PRKD1: variants seen among roughly 807,000 people sequenced by gnomAD.
PRKD1 encodes serine/threonine-protein kinase D1.
Under a neutral mutation model 95.9 loss-of-function variants are expected in PRKD1, and 63 were observed. The observed-to-expected ratio is 0.66, with a 90% CI of 0.54 to 0.81. The LOEUF (loss-of-function observed/expected upper bound fraction) is 0.81, where lower values mean the gene tolerates loss of function less well. Ranked by LOEUF, PRKD1 falls within the 30% of genes least tolerant of loss-of-function variation. PRKD1 has a pLI of 0.00. For missense variants in PRKD1, 1,048 were observed against 1,165.3 expected (o/e 0.90, Z 1.47); for synonymous variants, 425 against 423.1 (o/e 1.00, Z -0.05).
At chr14:29,737,591 A>G (rs1199089313) in intron 1 of PRKD1, among the ~76,000 whole-genome samples, 3 of 152,192 alleles carry the variant, frequency 2.0e-5, no homozygotes, top group Non-Finnish European at 4.4e-5. Context: ...ACTTTCTAAT[A>G]TAGCCAAAAC....
chr14:29,595,356 T>G (rs1031688401), intron 16 of PRKD1, among the ~76,000 whole-genome samples: 4 of 152,140 alleles, frequency 2.6e-5, no homozygotes, highest in African/African-American at 9.7e-5. Flanking sequence ...TGATTCTCCT[T>G]CCCCTGAACT....
At chr14:29,648,723 C>T (rs912372881) in intron 4 of PRKD1, among the ~76,000 whole-genome samples, 64 of 152,066 alleles carry the variant, frequency 4.2e-4, no homozygotes, top group African/African-American at 1.3e-3. Flanking sequence ...GGTGCGATCT[C>T]GGCTCACTGC....
At chr14:29,633,445 G>A (rs1880161319) in intron 8 of PRKD1, among the ~76,000 whole-genome samples, 1 of 152,022 alleles carries the variant, frequency 6.6e-6, no homozygotes, top group Admixed American at 6.6e-5. Context: ...ATATTTTGTT[G>A]GACAATAAGT....
chr14:29,847,075 G>A (rs780253265), intron 1 of PRKD1, among the ~76,000 whole-genome samples: 51 of 152,116 alleles, frequency 3.4e-4, no homozygotes, highest in Non-Finnish European at 5.6e-4. Flanking sequence ...TGTAACTCCT[G>A]TACTGCAGGG....
chr14:29,770,930 C>CAAAAAAAAAAAAAAAAAAAAAAAAA (rs753745571), intron 1 of PRKD1, among the ~76,000 whole-genome samples: 1 of 47,164 alleles, frequency 2.1e-5, no homozygotes, highest in Non-Finnish European at 5.3e-5. Context: ...AGACACTGTC[C>CAAAAAAAAAAAAAAAAAAAAAAAAA]AAAAAAAAAA....
At chr14:29,731,619 T>C (rs1275901457) in intron 1 of PRKD1, among the ~76,000 whole-genome samples, 1 of 152,214 alleles carries the variant, frequency 6.6e-6, no homozygotes, top group Non-Finnish European at 1.5e-5. Context: ...GCTCTGCTGT[T>C]AGGTGTATAA....
intron 4 of PRKD1, among the ~76,000 whole-genome samples, chr14:29,662,984 T>C (rs1040610008): frequency 1.3e-5 from 2 of 149,584 alleles, no homozygotes; most frequent in Non-Finnish European, 1.5e-5. Flanking sequence ...TTCGAATGTT[T>C]GGAAAATCCA....
intron 1 of PRKD1, among the ~76,000 whole-genome samples, chr14:29,781,708 G>A (rs747589173): frequency 1.3e-5 from 2 of 152,160 alleles, no homozygotes; most frequent in Non-Finnish European, 2.9e-5. Flanking sequence ...GTTAAAGTAG[G>A]GACATTTTGA....
At chr14:29,891,841 A>G (rs532980600) in intron 1 of PRKD1, among the ~76,000 whole-genome samples, 69 of 152,342 alleles carry the variant, frequency 4.5e-4, no homozygotes, top group African/African-American at 1.6e-3. Context: ...ATATGTAGCT[A>G]ACTATTCCAA....
At chr14:29,656,411 G>C in intron 4 of PRKD1, 1 of 1,418,916 alleles carries the variant, frequency 7.0e-7, no homozygotes. Context: ...TGATGTCAGC[G>C]TAATATGCTG....
At position 29,702,537 on chromosome 14, in the gene PRKD1, T is replaced by C. The variant is rs538472618; in HGVS notation, c.403+22999A>G. On this transcript the variant is annotated intron_variant, in intron 2 of 17. Transcript: ENST00000331968. ...TAGATGCAAAATTTTCCAATACCTA[T>C]TGAAATGATCATATTGTTTTCTTTT... 5.0e-4 allele frequency among the ~76,000 whole-genome samples: 76 copies of C among 152,136 alleles called. 1 individual carries two copies. Among genetic ancestry groups the C allele is most frequent in the Admixed American group, 4.3e-3 (66 of 15,284 alleles).
At chr14:29,846,452 G>A (rs555355639) in intron 1 of PRKD1, among the ~76,000 whole-genome samples, 28 of 152,288 alleles carry the variant, frequency 1.8e-4, no homozygotes, top group Non-Finnish European at 3.2e-4. Context: ...CAGGCAGAGG[G>A]CTCAATGAGT....
intron 1 of PRKD1, among the ~76,000 whole-genome samples, chr14:29,777,514 C>T (rs1202379798): frequency 6.6e-6 from 1 of 152,132 alleles, no homozygotes; most frequent in Non-Finnish European, 1.5e-5. Flanking sequence ...ATAAAACAGA[C>T]TTTAAACCAA....
At chr14:29,921,124 G>C (rs1895088745) in intron 1 of PRKD1, among the ~76,000 whole-genome samples, 1 of 152,124 alleles carries the variant, frequency 6.6e-6, no homozygotes, top group Admixed American at 6.5e-5. Flanking sequence ...ACTTGTAATT[G>C]AAAAGGAGTT....
intron 1 of PRKD1, among the ~76,000 whole-genome samples, chr14:29,734,028 C>CTTTGTTT (rs1886588532): frequency 1.5e-5 from 1 of 64,640 alleles, no homozygotes; most frequent in African/African-American, 7.9e-5. Flanking sequence ...ACTTTCCTGC[C>CTTTGTTT]TTTTTTTTTT....
intron 1 of PRKD1, among the ~76,000 whole-genome samples, chr14:29,744,866 T>A (rs1887140956): frequency 6.6e-6 from 1 of 152,146 alleles, no homozygotes; most frequent in Admixed American, 6.6e-5. Flanking sequence ...CTTCTAAACA[T>A]GTGTCAGATC....
At position 29,599,806 on chromosome 14, in the gene PRKD1, G is replaced by A. The variant is rs776507287; in HGVS notation, c.1917C>T (p.His639=). 9.3e-6 allele frequency: 15 copies of A among 1,606,856 alleles called. No individual in the cohort carries two copies. The East Asian group carries it at 3.1e-4, about 33-fold the overall frequency. Residue 639 remains histidine (H), a synonymous_variant, in exon 14 of 18, where the codon CAC becomes CAT. Coordinates refer to ENST00000331968, the MANE Select transcript of PRKD1 (RefSeq NM_002742.3). ...TACACTCCAAATTTACAACACCAGGGTGATGAAGGTTCTATTAAAGATAAA... is the reference window on the plus strand; with the variant it reads ...TACACTCCAAATTTACAACACCAGGATGATGAAGGTTCTATTAAAGATAAA... ...NEVAILQNLH[H]PGVVNLECMF... is the part of the protein sequence containing the mutation.
chr14:29,605,010 C>T (rs887077490), intron 13 of PRKD1, among the ~76,000 whole-genome samples: 1 of 152,148 alleles, frequency 6.6e-6, no homozygotes, highest in African/African-American at 2.4e-5. Flanking sequence ...ATGCTAACTT[C>T]TCTTTCACTT....
At chr14:29,743,121 T>C (rs1382313158) in intron 1 of PRKD1, among the ~76,000 whole-genome samples, 1 of 151,966 alleles carries the variant, frequency 6.6e-6, no homozygotes, top group African/African-American at 2.4e-5. Flanking sequence ...TTGAGAGGAG[T>C]TTCTTTGCCT....
Sources: allele counts gnomAD v4.1 joint callset (sites outside exome capture counted in the v4.1 genomes callset), GRCh38; gene constraint gnomAD v4.1.1; transcripts MANE v1.5; gene names NCBI Gene and HGNC (gene_info 2026-07-23, HGNC 2026-07-21).